MTURN: variants seen among roughly 807,000 people sequenced by gnomAD.
MTURN encodes maturin, neural progenitor differentiation regulator homolog.
MTURN carries 7 observed loss-of-function variants against 14.9 expected under a neutral mutation model. That is an observed-to-expected ratio of 0.47 (90% CI 0.27 to 0.88). The LOEUF (loss-of-function observed/expected upper bound fraction) is 0.88, where lower values mean the gene tolerates loss of function less well. MTURN is among the 40% of genes least tolerant of loss of function. The probability of loss-of-function intolerance (pLI) is 0.14; values close to 1 mark genes in which losing one functional copy is unlikely to be tolerated. For missense variants in MTURN, 151 were observed against 174.1 expected (o/e 0.87, Z 0.75); for synonymous variants, 69 against 72.5 (o/e 0.95, Z 0.25).
rs960041083 is a variant in MTURN at position 30,157,464 on chromosome 7, C to T, written c.312C>T (p.Asp104=). 9 of 1,601,882 alleles carry T rather than the reference C, an allele frequency of 5.6e-6. No homozygotes were observed. The African/African-American group carries it at 6.7e-5, about 12-fold the overall frequency. The stretch of plus-strand genomic sequence containing the variant: ...TACTGGGGCTTCCGGATGCAGATGA[C>T]GATGCGTTTGAAGAGTACAGTGCTG... ...RPLLGLPDAD[D]DAFEEYSADV... The change falls in exon 3 of 3, where the codon GAC becomes GAT. Residue 104 remains aspartate, a synonymous_variant. Coordinates refer to ENST00000324453, the MANE Select transcript of MTURN (RefSeq NM_152793.3).
At chr7:30,146,040 T>G in intron 1 of MTURN, 137 bp from the exon 2 acceptor site, 1 of 1,584,566 alleles carries the variant, frequency 6.3e-7, no homozygotes, top group Non-Finnish European at 8.6e-7. Context: ...AGAACGCATG[T>G]ATGAATTTTA....
rs142760462 is a variant in MTURN, at chr7:30,142,253, C to G, written c.163-3924C>G. 3.9e-5 allele frequency among the ~76,000 whole-genome samples: 6 copies of G among 152,256 alleles called. No individual in the cohort carries two copies. In the East Asian group the frequency reaches 9.6e-4, roughly 24 times the overall value. On this transcript the variant is annotated intron_variant, in intron 1 of 2. Transcript: ENST00000324453. ...GGCCTGACTTCACAGGAAGAAGGGT[C>G]GCAGATGGCCTATACTCAAATCAAA...
chr7:30,155,312 G>A (rs1057337125), intron 2 of MTURN, among the ~76,000 whole-genome samples: 3 of 152,120 alleles, frequency 2.0e-5, no homozygotes, highest in African/African-American at 7.2e-5. Context: ...TCCTGGTGGT[G>A]GCGATAGTAT....
In MTURN at chr7:30,158,172, C is replaced by G. The variant is rs995378723; in HGVS notation, c.*624C>G. 2.0e-5 allele frequency: 3 copies of G among 152,176 alleles called. No homozygotes were observed. Among genetic ancestry groups the G allele is most frequent in the Admixed American group, 2.0e-4 (3 of 15,282 alleles). 9.4% of individuals were successfully genotyped at this position (152,176 alleles called of 1,614,324 possible). ...TTACCTGGGTATGTAGCGACTGGTTCGTGGTTAGGTGTAAATGTTACTTGC... is the reference window on the plus strand; with the variant it reads ...TTACCTGGGTATGTAGCGACTGGTTGGTGGTTAGGTGTAAATGTTACTTGC... On this transcript the variant is annotated 3_prime_UTR_variant, in exon 3 of 3. Transcript: ENST00000324453.
chr7:30,156,021 A>G (rs1237650450), intron 2 of MTURN, among the ~76,000 whole-genome samples: 1 of 152,122 alleles, frequency 6.6e-6, no homozygotes, highest in Non-Finnish European at 1.5e-5. Flanking sequence ...CCCCTATGTA[A>G]GAAGTCCTTG....
chr7:30,154,171 C>T (rs1797251345), intron 2 of MTURN, among the ~76,000 whole-genome samples: 1 of 152,078 alleles, frequency 6.6e-6, no homozygotes, highest in Non-Finnish European at 1.5e-5. Flanking sequence ...GCCTTACATG[C>T]AGTCCAGTGG....
chr7:30,142,437 C>T lies in MTURN; in HGVS notation c.163-3740C>T, dbSNP rs533191062. 2.9e-4 allele frequency among the ~76,000 whole-genome samples: 44 copies of T among 152,276 alleles called. No individual in the cohort carries two copies. In the Middle Eastern group the frequency reaches 0.01, roughly 35 times the overall value. ...CCGGAAAGATATTTAAATGTCACAC[C>T]ACCCACAACCCCCTTCAAATATGTA... On this transcript the variant is annotated intron_variant, in intron 1 of 2. Coordinates refer to ENST00000324453, the MANE Select transcript of MTURN (RefSeq NM_152793.3).
chr7:30,139,652 G>C (rs1229124003), intron 1 of MTURN, among the ~76,000 whole-genome samples: 1 of 152,202 alleles, frequency 6.6e-6, no homozygotes, highest in Non-Finnish European at 1.5e-5. Context: ...CCAGAGGCCT[G>C]TCCTCTCCAC....
chr7:30,150,718 C>G (rs938067662), intron 2 of MTURN, among the ~76,000 whole-genome samples: 3 of 152,188 alleles, frequency 2.0e-5, no homozygotes, highest in South Asian at 2.1e-4. Context: ...ATAGCCGGAC[C>G]TAGACGTGCT....
chr7:30,141,648 A>G (rs117562482), intron 1 of MTURN, among the ~76,000 whole-genome samples: 4 of 152,168 alleles, frequency 2.6e-5, no homozygotes, highest in Non-Finnish European at 5.9e-5. Flanking sequence ...TCATCCTGGC[A>G]AGTAGCCAGG....
chr7:30,156,935 T>C (rs1282524325), intron 2 of MTURN, among the ~76,000 whole-genome samples: 1 of 152,222 alleles, frequency 6.6e-6, no homozygotes, highest in Non-Finnish European at 1.5e-5. Flanking sequence ...TTTGAGTGGA[T>C]ATATAAGATT....
At chr7:30,139,076 G>C (rs1320447067) in intron 1 of MTURN, among the ~76,000 whole-genome samples, 1 of 152,310 alleles carries the variant, frequency 6.6e-6, no homozygotes, top group Non-Finnish European at 1.5e-5. Context: ...CATGAGAGCA[G>C]AGGCCTTGTC....
At chr7:30,149,317 G>A (rs1797173489) in intron 2 of MTURN, among the ~76,000 whole-genome samples, 1 of 152,190 alleles carries the variant, frequency 6.6e-6, no homozygotes, top group Admixed American at 6.5e-5. Context: ...TTTACCTTGT[G>A]GGCAGGGATG....
Position 30,157,544 on chromosome 7 carries a change from A to G in MTURN, c.392A>G (p.Gln131Arg). Residue 131 changes from glutamine to arginine, a missense_variant, in exon 3 of 3, where the codon CAG becomes CGG. Gln to Arg is a conservative substitution (Grantham distance 43). Transcript: ENST00000324453. ...CACCCCCAGATGGGGGTCAGCCAGC[A>G]GTAAATCTGGGGGCTCCCCTGAGAA... ...ADHPQMGVSQ[Q>R] is the part of the protein sequence containing the mutation. The G allele has an allele frequency of 6.3e-7, 1 of 1,598,864 alleles. No homozygotes were observed. Among genetic ancestry groups the G allele is most frequent in the Non-Finnish European group, 8.5e-7 (1 of 1,173,524 alleles).
chr7:30,146,235 TCTC>T lies in MTURN; in HGVS notation c.227_229del (p.Ser76del), dbSNP rs750020505. 1.9e-6 allele frequency: 3 copies of T among 1,614,106 alleles called. No homozygotes were observed. Among genetic ancestry groups the T allele is most frequent in the African/African-American group, 1.3e-5 (1 of 75,034 alleles). On this transcript the variant is annotated inframe_deletion, in exon 2 of 3. Transcript: ENST00000324453. ...TTCTTGCAGCTAGCACAGGATTACA[TCTC>T]CTCCTGCGGCAAGAAGACGCTCCAC...
rs1797341816 is a variant in MTURN, at chr7:30,159,730, T to C, written c.*2182T>C. 1 of 152,696 alleles carries C rather than the reference T, an allele frequency of 6.5e-6. No homozygotes were observed. Among genetic ancestry groups the C allele is most frequent in the East Asian group, 1.9e-4 (1 of 5,206 alleles). The allele number at this position is 152,696 out of a possible 1,614,324, so 9.5% of individuals were successfully genotyped here. Reference sequence around the variant, plus strand: ...CTCCATAGCAAAATCCCAAACAGCATTAGCAGATCGAATTGTTTCTTCTAA... The same window carrying C: ...CTCCATAGCAAAATCCCAAACAGCACTAGCAGATCGAATTGTTTCTTCTAA... On this transcript the variant is annotated 3_prime_UTR_variant, in exon 3 of 3. Coordinates refer to ENST00000324453, the MANE Select transcript of MTURN (RefSeq NM_152793.3).
chr7:30,138,292 T>C (rs1446481655), intron 1 of MTURN, among the ~76,000 whole-genome samples: 1 of 152,110 alleles, frequency 6.6e-6, no homozygotes, highest in Non-Finnish European at 1.5e-5. Flanking sequence ...TTTTTCTATT[T>C]TTCGTAGAGA....
rs1455595868 is a variant in MTURN at position 30,158,524 on chromosome 7, A to G, written c.*976A>G. ...CTTTTATTTAAAAAAAAAAAGTCAA[A>G]AAAAGGATTCCATTGTGTAATTTAT... On this transcript the variant is annotated 3_prime_UTR_variant, in exon 3 of 3. Transcript: ENST00000324453. 6.6e-6 allele frequency: 1 copy of G among 152,390 alleles called. No homozygotes were observed. The highest frequency in any genetic ancestry group is 2.4e-5 in the African/African-American group (1 of 41,430). The allele number at this position is 152,390 out of a possible 1,614,324, so 9.4% of individuals were successfully genotyped here. A position where few individuals can be genotyped will look rare whatever the true frequency, so the allele number is the denominator to read the frequency against.
intron 2 of MTURN, among the ~76,000 whole-genome samples, chr7:30,149,319 G>T (rs1797173569): frequency 1.3e-5 from 2 of 152,186 alleles, no homozygotes; most frequent in Admixed American, 1.3e-4. Flanking sequence ...TACCTTGTGG[G>T]CAGGGATGTG....
Sources: allele counts gnomAD v4.1 joint callset (sites outside exome capture counted in the v4.1 genomes callset), GRCh38; gene constraint gnomAD v4.1.1; transcripts MANE v1.5; gene names NCBI Gene and HGNC (gene_info 2026-07-23, HGNC 2026-07-21).